Variants in TRPM1 observed in about 807,000 individuals in gnomAD.
TRPM1 encodes the protein TRPM1-203 APA Isoform, Intron 10.
TRPM1 carries 113 observed loss-of-function variants against 149.4 expected under a neutral mutation model. That is an observed-to-expected ratio of 0.76 (90% CI 0.65 to 0.88). The LOEUF (loss-of-function observed/expected upper bound fraction) is 0.88. Among genes scored for constraint, TRPM1 ranks in the 40% least tolerant of loss-of-function variants. The pLI is 0.00. For synonymous variants in TRPM1, 741 were observed against 759.5 expected (o/e 0.98, Z 0.40); for missense variants, 1,976 against 2,038.7 (o/e 0.97, Z 0.59).
chr15:31,136,745 C>CT (rs397780271), intron 1 of TRPM1, among the ~76,000 whole-genome samples: 1 of 134,362 alleles, frequency 7.4e-6, no homozygotes, highest in East Asian at 2.1e-4. Flanking sequence ...CAGCCGCCCC[C>CT]ACCCTTTTTT....
At chr15:31,045,425 C>G (rs902742317) in intron 16 of TRPM1, among the ~76,000 whole-genome samples, 3 of 152,136 alleles carry the variant, frequency 2.0e-5, no homozygotes, top group Non-Finnish European at 4.4e-5. Flanking sequence ...TCTAACTCCC[C>G]CCAAATTTTT....
At chr15:31,141,988 A>T (rs1016045017) in intron 1 of TRPM1, among the ~76,000 whole-genome samples, 1 of 152,184 alleles carries the variant, frequency 6.6e-6, no homozygotes, top group Non-Finnish European at 1.5e-5. Context: ...TGGGAGTCTG[A>T]GGCAGGAGGA....
At position 31,026,283 on chromosome 15, in the gene TRPM1, G is replaced by C; in HGVS notation, c.3497-12C>G. On this transcript the variant is annotated splice_polypyrimidine_tract_variant and intron_variant, in intron 26 of 27. Transcript: ENST00000256552. The stretch of plus-strand genomic sequence containing the variant: ...GCTAAGGAAGAGCTCTGTGTGAAGG[G>C]AGAAGTGTCGGCCACGTGAAAAACA... The C allele has an allele frequency of 1.3e-5, 21 of 1,608,922 alleles. No homozygotes were observed. The highest frequency in any genetic ancestry group is 1.8e-5 in the Non-Finnish European group (21 of 1,179,992).
At chr15:31,047,512 A>G (rs1236266721) in intron 14 of TRPM1, among the ~76,000 whole-genome samples, 2 of 152,226 alleles carry the variant, frequency 1.3e-5, no homozygotes, top group Non-Finnish European at 2.9e-5. Context: ...GCTTCTGGAA[A>G]GAGCCACAGG....
At chr15:31,026,869 T>C in intron 26 of TRPM1, 46 bp downstream of exon 26, 6 of 1,593,598 alleles carry the variant, frequency 3.8e-6, no homozygotes, top group Non-Finnish European at 5.2e-6. Context: ...ATTTGAACAC[T>C]ATTTTGAAAT....
chr15:31,076,245 G>A (rs1008100941), intron 3 of TRPM1, among the ~76,000 whole-genome samples: 1 of 152,154 alleles, frequency 6.6e-6, no homozygotes, highest in African/African-American at 2.4e-5. Context: ...TTTGAAGCAG[G>A]TGATCTTGAA....
intron 27 of TRPM1, among the ~76,000 whole-genome samples, chr15:31,021,471 G>T (rs1032095799): frequency 1.3e-5 from 2 of 152,162 alleles, no homozygotes; most frequent in Non-Finnish European, 2.9e-5. Context: ...TAAGGCGGGA[G>T]GACCGCTTGA....
rs765521500 is a variant in TRPM1 at position 31,040,358 on chromosome 15, G to A, written c.2088-12C>T. ...GCTGGCCGAAGTCTCTGGGGGGAAA[G>A]AGAAGGGACCAGGGTGAAGCCACAG... On this transcript the variant is annotated splice_polypyrimidine_tract_variant and intron_variant, in intron 17 of 27. Transcript: ENST00000256552. This position sits in a 1 kb window ranked among gnomAD's most constrained non-coding sequence, Gnocchi z 4.2. 6.2e-7 allele frequency: 1 copy of A among 1,613,102 alleles called. No homozygotes were observed. The highest frequency in any genetic ancestry group is 1.1e-5 in the South Asian group (1 of 91,052).
chr15:31,104,788 G>A (rs897487384), upstream of TRPM1, among the ~76,000 whole-genome samples: 1 of 152,058 alleles, frequency 6.6e-6, no homozygotes, highest in East Asian at 1.9e-4. Context: ...TAGAGACTGG[G>A]TTTCACCGTG....
chr15:31,023,227 C>T (rs1255470088), intron 27 of TRPM1, among the ~76,000 whole-genome samples: 1 of 152,102 alleles, frequency 6.6e-6, no homozygotes, highest in African/African-American at 2.4e-5. Flanking sequence ...GGAAGAGGAG[C>T]AGGGAAGGAG....
intron 1 of TRPM1, among the ~76,000 whole-genome samples, chr15:31,111,531 T>C (rs1027873371): frequency 2.6e-4 from 40 of 152,156 alleles, no homozygotes; most frequent in Admixed American, 6.5e-5. Flanking sequence ...AAGAGATGAT[T>C]TTGCCTCAAT....
At position 31,031,037 on chromosome 15, in the gene TRPM1, A is replaced by G; in HGVS notation, c.3073T>C (p.Phe1025Leu). ...KPSWKLARNI[F>L]YMPYWMIYGE... ...TAGATCATCCAGTAGGGCATGTAGAAGATGTTTCGGGCCAGTTTCCAAGAG... is the reference window on the plus strand; with the variant it reads ...TAGATCATCCAGTAGGGCATGTAGAGGATGTTTCGGGCCAGTTTCCAAGAG... Residue 1025 changes from phenylalanine (F) to leucine (L), a missense_variant, in exon 23 of 28, where the codon TTC (phenylalanine) becomes CTC (leucine). Coordinates refer to ENST00000256552, the MANE Select transcript of TRPM1 (RefSeq NM_001252024.2). The G allele has an allele frequency of 6.2e-7, 1 of 1,614,222 alleles. No homozygotes were observed. The highest frequency in any genetic ancestry group is 2.2e-5 in the East Asian group (1 of 44,892).
chr15:31,159,213 G>C (rs1349486602), intron 1 of TRPM1, among the ~76,000 whole-genome samples: 1 of 152,178 alleles, frequency 6.6e-6, no homozygotes, highest in Non-Finnish European at 1.5e-5. Flanking sequence ...AAATCGAAGT[G>C]ATTCTCCCCT....
At chr15:31,143,143 G>A (rs2036180605) in intron 1 of TRPM1, among the ~76,000 whole-genome samples, 1 of 152,134 alleles carries the variant, frequency 6.6e-6, no homozygotes, top group Non-Finnish European at 1.5e-5. Context: ...CTTCAAGGAG[G>A]TTTATAGAAA....
intron 3 of TRPM1, among the ~76,000 whole-genome samples, chr15:31,074,109 G>T (rs911244957): frequency 6.6e-6 from 1 of 151,152 alleles, no homozygotes; most frequent in Non-Finnish European, 1.5e-5. Flanking sequence ...ATAGTATTTT[G>T]TTCAGAATTT....
rs372228723 is a variant in TRPM1, at chr15:31,038,117, C to T, written c.2366G>A (p.Arg789His). 31 of 1,613,830 alleles carry T rather than the reference C, an allele frequency of 1.9e-5. No individual in the cohort carries two copies. The African/African-American group carries it at 2.8e-4, about 15-fold the overall frequency. ...LPPTILFLEFRTYDDFSYQTS... is the reference protein window; with the variant it reads ...LPPTILFLEFHTYDDFSYQTS... ...TTGATACGAGAAATCATCATATGTG[C>T]GAAATTCCAAAAACAAGATGGTGGG... The change falls in exon 19 of 28, where the codon CGC becomes CAC. Residue 789 changes from arginine (R) to histidine (H), a missense_variant. Coordinates refer to ENST00000256552, the MANE Select transcript of TRPM1 (RefSeq NM_001252024.2).
chr15:31,026,307 C>T, intron 26 of TRPM1, 36 bp from the exon 27 acceptor site: 1 of 1,604,828 alleles, frequency 6.2e-7, no homozygotes, highest in Non-Finnish European at 8.5e-7. Flanking sequence ...ACGTGAAAAA[C>T]AAGAAGAATC....
chr15:31,021,702 T>TAAAAAAA (rs34186876), intron 27 of TRPM1, among the ~76,000 whole-genome samples: 5 of 119,356 alleles, frequency 4.2e-5, no homozygotes, highest in Non-Finnish European at 5.4e-5. Context: ...TCTCTAGAAT[T>TAAAAAAA]AAAAAAAAAA....
Position 31,016,524 on chromosome 15 carries a change from GA to G in TRPM1, c.3629+9614del, listed in dbSNP as rs1304112440. ...ACATTATGGTAGCACTGACTTCACAGAAAAAAATTCCACTTATGAATACTTT... is the reference window on the plus strand; with the variant it reads ...ACATTATGGTAGCACTGACTTCACAGAAAAAATTCCACTTATGAATACTTT... On this transcript the variant is annotated intron_variant, in intron 27 of 27. Coordinates refer to ENST00000256552, the MANE Select transcript of TRPM1 (RefSeq NM_001252024.2). Among the ~76,000 whole-genome samples, 5 of 152,140 alleles carry G rather than the reference GA, an allele frequency of 3.3e-5. No homozygotes were observed. In the East Asian group the frequency reaches 7.7e-4, roughly 23 times the overall value.
Sources: gnomAD v4.1 joint callset for allele counts (sites outside exome capture counted in the v4.1 genomes callset) on GRCh38, gnomAD v4.1.1 for gene constraint, Gnocchi (gnomAD v3.1) non-coding constraint, MANE v1.5 for transcripts, NCBI Gene and HGNC (gene_info 2026-07-23, HGNC 2026-07-21) for gene names.